Variants in PTPRA observed in about 807,000 individuals in gnomAD.
PTPRA encodes the protein protein tyrosine phosphatase receptor type A, also known as receptor-type tyrosine-protein phosphatase alpha.
PTPRA carries 25 observed loss-of-function variants against 104.8 expected under a neutral mutation model. The observed-to-expected ratio is 0.24, with a 90% CI of 0.17 to 0.33. The LOEUF is 0.33. PTPRA is among the 10% of genes least tolerant of loss of function. The pLI, the probability that PTPRA is intolerant of heterozygous loss-of-function variation, is 1.00. For missense variants in PTPRA, 765 were observed against 1,015.3 expected (o/e 0.75, Z 3.35); for synonymous variants, 323 against 368.9 (o/e 0.88, Z 1.43).
At chr20:2,968,826 TACTTGAGGCCTGGC>T (rs2147968872) in intron 5 of PTPRA, among the ~76,000 whole-genome samples, 1 of 152,220 alleles carries the variant, frequency 6.6e-6, no homozygotes, top group African/African-American at 2.4e-5. Context: ...GCAGGAGGAT[TACTTGAGGCCTGGC>T]AGTTGAGGCT....
intron 20 of PTPRA, among the ~76,000 whole-genome samples, chr20:3,032,983 C>T (rs1398885856): frequency 1.3e-5 from 2 of 151,696 alleles, no homozygotes; most frequent in East Asian, 1.9e-4. Flanking sequence ...AGAACACTTA[C>T]TTCCGTAGCA....
chr20:2,864,584 T>C, the PTPRA span: 1 of 1,614,152 alleles, frequency 6.2e-7, no homozygotes, highest in Non-Finnish European at 8.5e-7. This position sits in a 1 kb window ranked among gnomAD's most constrained non-coding sequence, Gnocchi z 5.2. Context: ...CTGAAGGACC[T>C]TTACAATCAG....
intron 3 of PTPRA, among the ~76,000 whole-genome samples, chr20:2,962,274 G>A (rs1452115327): frequency 6.6e-6 from 1 of 151,960 alleles, no homozygotes; most frequent in East Asian, 1.9e-4. Flanking sequence ...TGTTTTTTCT[G>A]TCAGATATTC....
At chr20:2,979,239 G>A (rs2062569848) in intron 6 of PTPRA, among the ~76,000 whole-genome samples, 1 of 152,128 alleles carries the variant, frequency 6.6e-6, no homozygotes, top group Non-Finnish European at 1.5e-5. Context: ...ATACATCTAG[G>A]TGTAAAGATT....
chr20:2,987,873 A>G (rs1259743724), intron 7 of PTPRA, 159 bp from the exon 8 acceptor site: 1 of 771,368 alleles, frequency 1.3e-6, no homozygotes, highest in Non-Finnish European at 2.3e-6. Context: ...TCACCCCAGC[A>G]TGCTGCTGCC....
chr20:3,014,222 T>C (rs959572217), intron 11 of PTPRA, among the ~76,000 whole-genome samples: 1 of 152,260 alleles, frequency 6.6e-6, no homozygotes, highest in African/African-American at 2.4e-5. Context: ...ATTGCTCTTC[T>C]CAATGAAAAC....
At chr20:2,891,624 TATATG>T (rs2058793046) in intron 1 of PTPRA, among the ~76,000 whole-genome samples, 1 of 152,202 alleles carries the variant, frequency 6.6e-6, no homozygotes, top group African/African-American at 2.4e-5. Flanking sequence ...TTCATACACT[TATATG>T]ATAATTCACA....
chr20:2,997,054 A>G (rs901360707), intron 9 of PTPRA, among the ~76,000 whole-genome samples: 16 of 152,232 alleles, frequency 1.1e-4, no homozygotes, highest in Admixed American at 3.9e-4. Context: ...ATGATTTCTT[A>G]TATCCATTAT....
At chr20:2,970,254 G>A (rs1242170595) in intron 5 of PTPRA, among the ~76,000 whole-genome samples, 1 of 152,128 alleles carries the variant, frequency 6.6e-6, no homozygotes, top group East Asian at 1.9e-4. Context: ...ATATTAGCAG[G>A]ATGAATTATT....
At chr20:2,928,556 T>C (rs777446438) in intron 2 of PTPRA, among the ~76,000 whole-genome samples, 1 of 152,182 alleles carries the variant, frequency 6.6e-6, no homozygotes, top group Non-Finnish European at 1.5e-5. Flanking sequence ...ATAGAAAGTT[T>C]CATATAGGAA....
chr20:3,014,903 A>G (rs1186987709), intron 11 of PTPRA, among the ~76,000 whole-genome samples: 1 of 152,228 alleles, frequency 6.6e-6, no homozygotes, highest in Non-Finnish European at 1.5e-5. Flanking sequence ...GAAAAGATGT[A>G]TAACTGGAGC....
intron 20 of PTPRA, among the ~76,000 whole-genome samples, chr20:3,028,292 T>C (rs963776751): frequency 2.6e-5 from 4 of 152,200 alleles, no homozygotes; most frequent in African/African-American, 9.6e-5. Flanking sequence ...CATTGCTGAC[T>C]ACATAAAATA....
At chr20:2,980,774 C>A (rs950032253) in intron 6 of PTPRA, among the ~76,000 whole-genome samples, 27 of 152,148 alleles carry the variant, frequency 1.8e-4, no homozygotes, top group Non-Finnish European at 2.9e-4. Context: ...AAGATTTATT[C>A]TGTTTCTTTT....
chr20:3,029,995 T>C (rs1250920210), intron 20 of PTPRA, among the ~76,000 whole-genome samples: 6 of 152,318 alleles, frequency 3.9e-5, no homozygotes, highest in African/African-American at 1.4e-4. Flanking sequence ...TCAGTCGTGA[T>C]GGAACCTGCA....
At chr20:3,028,522 C>T (rs550063709) in intron 20 of PTPRA, among the ~76,000 whole-genome samples, 1 of 152,348 alleles carries the variant, frequency 6.6e-6, no homozygotes, top group Admixed American at 6.5e-5. Context: ...ACAGCCTCTA[C>T]TAAGCACATT....
intron 1 of PTPRA, among the ~76,000 whole-genome samples, chr20:2,886,990 G>A (rs1175523573): frequency 1.3e-5 from 2 of 152,066 alleles, no homozygotes; most frequent in Admixed American, 6.6e-5. Context: ...GTATAATGGG[G>A]GTGAAAAAAT....
chr20:2,942,455 CTT>C (rs899558305), intron 2 of PTPRA, among the ~76,000 whole-genome samples: 69 of 152,082 alleles, frequency 4.5e-4, no homozygotes, highest in African/African-American at 1.5e-3. Context: ...AAAAATGTCT[CTT>C]TTAAACAGCA....
chr20:3,012,260 G>A (rs920115832), intron 11 of PTPRA, among the ~76,000 whole-genome samples: 10 of 152,210 alleles, frequency 6.6e-5, no homozygotes, highest in African/African-American at 2.4e-4. Flanking sequence ...GGGCTATCAT[G>A]TACAACATGG....
intron 9 of PTPRA, among the ~76,000 whole-genome samples, chr20:3,003,626 C>T (rs2063730384): frequency 6.6e-6 from 1 of 151,744 alleles, no homozygotes; most frequent in South Asian, 2.1e-4. Flanking sequence ...CCTTGAACTC[C>T]TGGGCTGAAG....
Sources: gnomAD v4.1 joint callset for allele counts (sites outside exome capture counted in the v4.1 genomes callset) on GRCh38, gnomAD v4.1.1 for gene constraint, Gnocchi (gnomAD v3.1) non-coding constraint, MANE v1.5 for transcripts, NCBI Gene and HGNC (gene_info 2026-07-23, HGNC 2026-07-21) for gene names.